The following PLPP6 variants were observed in gnomAD, a reference collection of about 807,000 sequenced individuals.
PLPP6 encodes the protein polyisoprenoid diphosphate/phosphate phosphohydrolase PLPP6.
In PLPP6, 16 loss-of-function variants were observed where a neutral mutation model predicts 16.5. The observed-to-expected ratio is 0.97, with a 90% CI of 0.66 to 1.47. The LOEUF (loss-of-function observed/expected upper bound fraction) is 1.47, where lower values mean the gene tolerates loss of function less well. Ranked by LOEUF, PLPP6 falls within the 40% of genes most tolerant of loss-of-function variation. PLPP6 has a pLI of 0.00. For missense variants in PLPP6, 512 were observed against 396.6 expected, an observed-to-expected ratio of 1.29 and a Z score of -2.47; for synonymous variants, 226 against 188.1, an observed-to-expected ratio of 1.20 and a Z score of -1.65.
rs1840118566 is a variant in PLPP6 at position 4,662,648 on chromosome 9, C to T, written c.273C>T (p.Arg91=). The T allele has an allele frequency of 8.1e-6, 13 of 1,599,458 alleles. No homozygotes were observed. The highest frequency in any genetic ancestry group is 9.3e-6 in the Non-Finnish European group (11 of 1,179,768). Residue 91 remains arginine (R), a synonymous_variant, in exon 1 of 1, where the codon CGC becomes CGT. Coordinates refer to ENST00000381883, the MANE Select transcript of PLPP6 (RefSeq NM_203453.5). This position sits in a 1 kb window ranked among gnomAD's most constrained non-coding sequence, Gnocchi z 4.9. ...CGCCTCCGCTGCCCGAGGAGGACCG[C>T]ATGGACTTGAACCCGTCCTTCCTGG... ...SPAPPLPEED[R]MDLNPSFLGI...
Position 4,664,497 on chromosome 9 carries a change from G to C in PLPP6, c.*1234G>C, listed in dbSNP as rs537379681. ...TACATTGACCTTTACATTTAAAGCTGTTCATCCATGGTGCCTCCCCAAATC... is the reference window on the plus strand; with the variant it reads ...TACATTGACCTTTACATTTAAAGCTCTTCATCCATGGTGCCTCCCCAAATC... On this transcript the variant is annotated 3_prime_UTR_variant, in exon 1 of 1. Transcript: ENST00000381883. The C allele has an allele frequency of 1.8e-5, 3 of 167,122 alleles. No individual in the cohort carries two copies. The highest frequency in any genetic ancestry group is 2.1e-4 in the South Asian group (1 of 4,824). 10.4% of individuals were successfully genotyped at this position (167,122 alleles called of 1,614,324 possible). A position where few individuals can be genotyped will look rare whatever the true frequency, so the allele number is the denominator to read the frequency against.
In PLPP6 at chr9:4,662,516, C is replaced by G; in HGVS notation, c.141C>G (p.Arg47=). The change falls in exon 1 of 1, where the codon CGC becomes CGG. Residue 47 remains arginine (R), a synonymous_variant. Transcript: ENST00000381883. This position sits in a 1 kb window ranked among gnomAD's most constrained non-coding sequence, Gnocchi z 4.9. ...AGTTCCAGTCCCTGCTCAGCAGCCG[C>G]GCCACGGCCGTGGACCCCACCTGCG... ...RFEFQSLLSS[R]ATAVDPTCAR... is the part of the protein sequence containing the mutation. 6.4e-7 allele frequency: 1 copy of G among 1,559,824 alleles called. No homozygotes were observed. Among genetic ancestry groups the G allele is most frequent in the African/African-American group, 1.4e-5 (1 of 73,782 alleles).
chr9:4,662,908 T>C lies in PLPP6; in HGVS notation c.533T>C (p.Leu178Pro). The change falls in exon 1 of 1, where the codon CTG becomes CCG. Residue 178 changes from leucine to proline, a missense_variant. Leu to Pro is a moderately conservative substitution (Grantham distance 98). Transcript: ENST00000381883. This position sits in a 1 kb window ranked among gnomAD's most constrained non-coding sequence, Gnocchi z 4.9. ...NLLFALLLDL[L>P]LVALIKGLVR... ...CTCTTCGCCCTGCTGTTGGACCTGCTGCTGGTGGCCTTGATCAAAGGGCTG... is the reference window on the plus strand; with the variant it reads ...CTCTTCGCCCTGCTGTTGGACCTGCCGCTGGTGGCCTTGATCAAAGGGCTG... 1 of 1,609,370 alleles carries C rather than the reference T, an allele frequency of 6.2e-7. No homozygotes were observed. Among genetic ancestry groups the C allele is most frequent in the South Asian group, 1.1e-5 (1 of 91,056 alleles).
In PLPP6 at chr9:4,662,929, G is replaced by T. The variant is rs149516642; in HGVS notation, c.554G>T (p.Gly185Val). The T allele has an allele frequency of 1.3e-3, 2,129 of 1,610,956 alleles. 4 individuals carry two copies. The highest frequency in any genetic ancestry group is 1.6e-3 in the Non-Finnish European group (1,930 of 1,179,952). The part of the protein sequence containing the change: ...LDLLLVALIK[G>V]LVRRRRPAHN... ...CTGCTGCTGGTGGCCTTGATCAAAGGGCTGGTCCGCAGGCGCCGCCCGGCC... is the reference window on the plus strand; with the variant it reads ...CTGCTGCTGGTGGCCTTGATCAAAGTGCTGGTCCGCAGGCGCCGCCCGGCC... The change falls in exon 1 of 1, where the codon GGG (glycine) becomes GTG (valine). Residue 185 changes from glycine (G) to valine (V), a missense_variant. Physicochemically the swap from Gly to Val is moderately radical, Grantham distance 109. Transcript: ENST00000381883. This position sits in a 1 kb window ranked among gnomAD's most constrained non-coding sequence, Gnocchi z 4.9.
Position 4,664,221 on chromosome 9 carries a change from G to C in PLPP6, c.*958G>C, listed in dbSNP as rs1481047169. 2 of 167,030 alleles carry C rather than the reference G, an allele frequency of 1.2e-5. No homozygotes were observed. Among genetic ancestry groups the C allele is most frequent in the Non-Finnish European group, 2.9e-5 (2 of 68,124 alleles). The allele number at this position is 167,030 out of a possible 1,614,324, so 10.3% of individuals were successfully genotyped here. On this transcript the variant is annotated 3_prime_UTR_variant, in exon 1 of 1. Coordinates refer to ENST00000381883, the MANE Select transcript of PLPP6 (RefSeq NM_203453.5). ...CAGTGACCAGTATGACAGGAGATGG[G>C]GCCCTGCTGCCAGTCATCTCCACTG...
chr9:4,662,367 C>T lies in PLPP6; in HGVS notation c.-9C>T, dbSNP rs765775167. 2.0e-6 allele frequency: 3 copies of T among 1,500,440 alleles called. No homozygotes were observed. The highest frequency in any genetic ancestry group is 2.2e-5 in the Admixed American group (1 of 45,082). The allele number at this position is 1,500,440 out of a possible 1,614,324, so 92.9% of individuals were successfully genotyped here. On this transcript the variant is annotated 5_prime_UTR_variant, in exon 1 of 1. Coordinates refer to ENST00000381883, the MANE Select transcript of PLPP6 (RefSeq NM_203453.5). The surrounding 1 kb of genome is among the most constrained non-coding windows in gnomAD (Gnocchi z 4.9). ...CGGCCAGGTCCCGGGATCCGGGCCGCCAGCTGCGATGCCAAGTCCCCGGAG... is the reference window on the plus strand; with the variant it reads ...CGGCCAGGTCCCGGGATCCGGGCCGTCAGCTGCGATGCCAAGTCCCCGGAG...
rs986688788 is a variant in PLPP6, at chr9:4,663,434, A to G, written c.*171A>G. The G allele has an allele frequency of 2.8e-6, 2 of 712,866 alleles. No individual in the cohort carries two copies. The highest frequency in any genetic ancestry group is 4.8e-6 in the Non-Finnish European group (2 of 420,200). The allele number at this position is 712,866 out of a possible 1,614,324, so 44.2% of individuals were successfully genotyped here. On this transcript the variant is annotated 3_prime_UTR_variant, in exon 1 of 1. Coordinates refer to ENST00000381883, the MANE Select transcript of PLPP6 (RefSeq NM_203453.5). The stretch of plus-strand genomic sequence containing the variant: ...TGCTAGGCTGGAGCACACACTGGCC[A>G]TTACTGAACACAGCCATATTAGGGA...
rs2130811933 is a variant in PLPP6 at position 4,663,364 on chromosome 9, T to C, written c.*101T>C. 1.6e-6 allele frequency: 2 copies of C among 1,266,932 alleles called. No homozygotes were observed. Among genetic ancestry groups the C allele is most frequent in the East Asian group, 2.3e-5 (1 of 42,946 alleles). The allele number at this position is 1,266,932 out of a possible 1,614,324, so 78.5% of individuals were successfully genotyped here. A position where few individuals can be genotyped will look rare whatever the true frequency, so the allele number is the denominator to read the frequency against. On this transcript the variant is annotated 3_prime_UTR_variant, in exon 1 of 1. Coordinates refer to ENST00000381883, the MANE Select transcript of PLPP6 (RefSeq NM_203453.5). ...ATCCCGCTTGTCCCTCTTAGGCATT[T>C]CAGGCTTCCTTTGGGATTTCAGGTG...
Position 4,664,881 on chromosome 9 carries a change from C to G in PLPP6, c.*1618C>G, listed in dbSNP as rs1267360387. On this transcript the variant is annotated 3_prime_UTR_variant, in exon 1 of 1. Transcript: ENST00000381883. The stretch of plus-strand genomic sequence containing the variant: ...CCACAGCATCCTGAATACCGACTAC[C>G]TCTTCACTTGCTAAAGCAGCTAAAC... 6.0e-6 allele frequency: 1 copy of G among 167,092 alleles called. No homozygotes were observed. The highest frequency in any genetic ancestry group is 1.5e-5 in the Non-Finnish European group (1 of 68,132). 10.4% of individuals were successfully genotyped at this position (167,092 alleles called of 1,614,324 possible).
chr9:4,663,201 G>A lies in PLPP6; in HGVS notation c.826G>A (p.Asp276Asn), dbSNP rs763906637. ...GGGCTACATGCAGTACAGCATCGTGGACTATTGCTGGCTCTCACCCCATAA... is the reference window on the plus strand; with the variant it reads ...GGGCTACATGCAGTACAGCATCGTGAACTATTGCTGGCTCTCACCCCATAA... ...FLGYMQYSIV[D>N]YCWLSPHNAP... The change falls in exon 1 of 1, where the codon GAC becomes AAC. Residue 276 changes from aspartate (D) to asparagine (N), a missense_variant. Transcript: ENST00000381883. 1.6e-5 allele frequency: 26 copies of A among 1,613,988 alleles called. 1 individual carries two copies. In the Admixed American group the frequency reaches 4.0e-4, roughly 25 times the overall value.
At position 4,664,703 on chromosome 9, in the gene PLPP6, G is replaced by A. The variant is rs78541815; in HGVS notation, c.*1440G>A. The A allele has an allele frequency of 1.6e-4, 27 of 167,076 alleles. No homozygotes were observed. Among genetic ancestry groups the A allele is most frequent in the African/African-American group, 6.3e-4 (26 of 41,440 alleles). The allele number at this position is 167,076 out of a possible 1,614,324, so 10.3% of individuals were successfully genotyped here. On this transcript the variant is annotated 3_prime_UTR_variant, in exon 1 of 1. Transcript: ENST00000381883. ...TATTTTGGCATTTATAAATAGAAAT[G>A]ATTATGGACTTTGATCTGCCATACG...
chr9:4,663,068 G>A lies in PLPP6; in HGVS notation c.693G>A (p.Leu231=). 1.2e-6 allele frequency: 2 copies of A among 1,614,014 alleles called. No homozygotes were observed. The highest frequency in any genetic ancestry group is 1.3e-5 in the African/African-American group (1 of 75,032). ...GGTTCATCCTGAACCACCTGGTGCTGGCCATTCCACTGAGGGTGCTGGTGG... is the reference window on the plus strand; with the variant it reads ...GGTTCATCCTGAACCACCTGGTGCTAGCCATTCCACTGAGGGTGCTGGTGG... ...MSRFILNHLV[L]AIPLRVLVVL... is the part of the protein sequence containing the mutation. Residue 231 remains leucine (L), a synonymous_variant, in exon 1 of 1, where the codon CTG becomes CTA. Coordinates refer to ENST00000381883, the MANE Select transcript of PLPP6 (RefSeq NM_203453.5).
Position 4,663,035 on chromosome 9 carries a change from G to GGTTC in PLPP6, c.660_661insGTTC (p.Met221ValfsTer65). The GGTTC allele has an allele frequency of 6.2e-7, 1 of 1,613,916 alleles. No individual in the cohort carries two copies. Among genetic ancestry groups the GGTTC allele is most frequent in the Non-Finnish European group, 8.5e-7 (1 of 1,179,970 alleles). Reference sequence around the variant, plus strand: ...CGGGCCATGCCACAAGGGCCGCCCTGATGTCGAGGTTCATCCTGAACCACC... The same window carrying GGTTC: ...CGGGCCATGCCACAAGGGCCGCCCTGGTTCATGTCGAGGTTCATCCTGAACCACC... On this transcript the variant is annotated frameshift_variant, in exon 1 of 1. Transcript: ENST00000381883. LOFTEE classifies it high-confidence loss of function.
In PLPP6 at chr9:4,663,398, T is replaced by A; in HGVS notation, c.*135T>A. On this transcript the variant is annotated 3_prime_UTR_variant, in exon 1 of 1. Transcript: ENST00000381883. ...CTTTGGGATTTCAGGTGTCCCATGA[T>A]CTTGATGTGCTGCTAGGCTGGAGCA... 1.1e-6 allele frequency: 1 copy of A among 935,002 alleles called. No individual in the cohort carries two copies. The highest frequency in any genetic ancestry group is 2.3e-5 in the Admixed American group (1 of 43,792). The allele number at this position is 935,002 out of a possible 1,614,324, so 57.9% of individuals were successfully genotyped here.
At position 4,663,416 on chromosome 9, in the gene PLPP6, C is replaced by G. The variant is rs1217596707; in HGVS notation, c.*153C>G. ...CCCATGATCTTGATGTGCTGCTAGG[C>G]TGGAGCACACACTGGCCATTACTGA... On this transcript the variant is annotated 3_prime_UTR_variant, in exon 1 of 1. Transcript: ENST00000381883. 3.7e-6 allele frequency: 3 copies of G among 817,324 alleles called. No homozygotes were observed. The highest frequency in any genetic ancestry group is 2.5e-5 in the Admixed American group (1 of 39,850). The allele number at this position is 817,324 out of a possible 1,614,324, so 50.6% of individuals were successfully genotyped here. A position where few individuals can be genotyped will look rare whatever the true frequency, so the allele number is the denominator to read the frequency against.
Position 4,662,837 on chromosome 9 carries a change from G to A in PLPP6, c.462G>A (p.Leu154=), listed in dbSNP as rs905670046. ...IPWLLGTLYC[L]CRSDSWAGRE... ...GGCTGCTGGGCACCCTCTACTGCCT[G>A]TGCAGGAGCGACAGCTGGGCCGGGC... The change falls in exon 1 of 1, where the codon CTG becomes CTA. Residue 154 remains leucine, a synonymous_variant. Coordinates refer to ENST00000381883, the MANE Select transcript of PLPP6 (RefSeq NM_203453.5). The surrounding 1 kb of genome is among the most constrained non-coding windows in gnomAD (Gnocchi z 4.9). The A allele has an allele frequency of 6.2e-6, 10 of 1,605,250 alleles. No individual in the cohort carries two copies. The highest frequency in any genetic ancestry group is 8.5e-6 in the Non-Finnish European group (10 of 1,179,954).
rs1563742976 is a variant in PLPP6, at chr9:4,662,338, G to C, written c.-38G>C. The C allele has an allele frequency of 2.0e-6, 3 of 1,466,418 alleles. No individual in the cohort carries two copies. The highest frequency in any genetic ancestry group is 2.7e-6 in the Non-Finnish European group (3 of 1,116,342). The allele number at this position is 1,466,418 out of a possible 1,614,324, so 90.8% of individuals were successfully genotyped here. On this transcript the variant is annotated 5_prime_UTR_variant, in exon 1 of 1. Coordinates refer to ENST00000381883, the MANE Select transcript of PLPP6 (RefSeq NM_203453.5). The surrounding 1 kb of genome is among the most constrained non-coding windows in gnomAD (Gnocchi z 4.9). ...CTGCAGGGCCGGGAAGCCTCTGTTT[G>C]GTCCGGCCAGGTCCCGGGATCCGGG...
Position 4,664,638 on chromosome 9 carries a change from A to G in PLPP6, c.*1375A>G, listed in dbSNP as rs1840585600. ...CTCTACCTGAAAAGAAATCCTTTAA[A>G]TTACCTATGGAAGTGATGTCCTCAG... On this transcript the variant is annotated 3_prime_UTR_variant, in exon 1 of 1. Transcript: ENST00000381883. The G allele has an allele frequency of 6.0e-6, 1 of 167,094 alleles. No homozygotes were observed. The highest frequency in any genetic ancestry group is 2.1e-4 in the South Asian group (1 of 4,832). The allele number at this position is 167,094 out of a possible 1,614,324, so 10.4% of individuals were successfully genotyped here.
In PLPP6 at chr9:4,664,506, T is replaced by TCTTA. The variant is rs1840560011; in HGVS notation, c.*1243_*1244insCTTA. ...CTTTACATTTAAAGCTGTTCATCCA[T>TCTTA]GGTGCCTCCCCAAATCATAAGACCA... On this transcript the variant is annotated 3_prime_UTR_variant, in exon 1 of 1. Coordinates refer to ENST00000381883, the MANE Select transcript of PLPP6 (RefSeq NM_203453.5). 1.2e-5 allele frequency: 2 copies of TCTTA among 167,086 alleles called. No individual in the cohort carries two copies. Among genetic ancestry groups the TCTTA allele is most frequent in the African/African-American group, 4.8e-5 (2 of 41,444 alleles). 10.4% of individuals were successfully genotyped at this position (167,086 alleles called of 1,614,324 possible).
Sources: gnomAD v4.1 joint callset for allele counts on GRCh38, gnomAD v4.1.1 for gene constraint, Gnocchi (gnomAD v3.1) non-coding constraint, MANE v1.5 for transcripts, NCBI Gene and HGNC (gene_info 2026-07-23, HGNC 2026-07-21) for gene names.